LRMDA: variants seen among roughly 807,000 people sequenced by gnomAD.
The protein encoded by LRMDA is leucine-rich melanocyte differentiation-associated protein.
A neutral mutation model predicts 29.8 loss-of-function variants in LRMDA; 18 were observed. The observed-to-expected ratio is 0.60, with a 90% CI of 0.42 to 0.90. The LOEUF is 0.90. LRMDA is among the 40% of genes least tolerant of loss of function. LRMDA has a pLI of 0.00. For synonymous variants in LRMDA, 125 were observed against 109.4 expected, an observed-to-expected ratio of 1.14 and a Z score of -0.89; for missense variants, 273 against 273.9, an observed-to-expected ratio of 1.00 and a Z score of 0.02.
At chr10:75,491,022 G>A (rs545098305) in intron 2 of LRMDA, among the ~76,000 whole-genome samples, 30 of 152,268 alleles carry the variant, frequency 2.0e-4, no homozygotes, top group African/African-American at 5.5e-4. Flanking sequence ...GAATTAAATT[G>A]ACCACCACTC....
chr10:75,583,849 C>T (rs1365183171), intron 2 of LRMDA, among the ~76,000 whole-genome samples: 2 of 152,154 alleles, frequency 1.3e-5, no homozygotes, highest in Admixed American at 6.5e-5. Flanking sequence ...CATCCCCACT[C>T]GAGGTGTTCT....
At chr10:75,584,390 C>G (rs1840632443) in intron 2 of LRMDA, among the ~76,000 whole-genome samples, 1 of 152,190 alleles carries the variant, frequency 6.6e-6, no homozygotes, top group East Asian at 1.9e-4. Flanking sequence ...GTCTATCATT[C>G]TAAGCCTTTT....
At chr10:75,461,855 C>T (rs370299797) in intron 2 of LRMDA, among the ~76,000 whole-genome samples, 66 of 152,270 alleles carry the variant, frequency 4.3e-4, no homozygotes, top group African/African-American at 1.6e-3. Context: ...AGGTCTTTGT[C>T]GAAGGGGGCA....
intron 2 of LRMDA, among the ~76,000 whole-genome samples, chr10:75,583,255 T>G (rs572011263): frequency 6.6e-6 from 1 of 152,318 alleles, no homozygotes; most frequent in South Asian, 2.1e-4. Flanking sequence ...ATTTTCATGC[T>G]GCTATAAAGA....
chr10:75,951,345 G>C (rs1271871519), intron 2 of LRMDA, among the ~76,000 whole-genome samples: 1 of 152,218 alleles, frequency 6.6e-6, no homozygotes, highest in African/African-American at 2.4e-5. Flanking sequence ...GGAATGCTGA[G>C]CCACTGCAGT....
chr10:76,033,030 A>G (rs779902295), intron 2 of LRMDA, among the ~76,000 whole-genome samples: 6 of 152,092 alleles, frequency 3.9e-5, no homozygotes, highest in Non-Finnish European at 7.4e-5. Context: ...TTTTTCTCCT[A>G]TTCCTCCCTA....
intron 5 of LRMDA, among the ~76,000 whole-genome samples, chr10:76,137,122 C>T (rs372130498): frequency 6.9e-4 from 105 of 152,288 alleles, no homozygotes; most frequent in African/African-American, 2.4e-3. Context: ...TTGATACTAC[C>T]GACCCTTCCT....
chr10:75,996,860 G>A (rs1445188311), intron 2 of LRMDA, among the ~76,000 whole-genome samples: 2 of 151,718 alleles, frequency 1.3e-5, no homozygotes, highest in Non-Finnish European at 2.9e-5. Flanking sequence ...AGCCTCCCGA[G>A]TAGCTGAGAC....
At chr10:76,130,564 T>A (rs562348469) in intron 5 of LRMDA, among the ~76,000 whole-genome samples, 1 of 152,336 alleles carries the variant, frequency 6.6e-6, no homozygotes, top group South Asian at 2.1e-4. Context: ...TTGGCTTGTG[T>A]GAGAAGGGAA....
chr10:75,894,957 T>A (rs1845558457), intron 2 of LRMDA, among the ~76,000 whole-genome samples: 1 of 152,208 alleles, frequency 6.6e-6, no homozygotes, highest in South Asian at 2.1e-4. Flanking sequence ...GATGAGAAAC[T>A]GGTTAAGTAA....
intron 1 of LRMDA, among the ~76,000 whole-genome samples, chr10:75,433,346 C>T (rs1032548357): frequency 6.6e-6 from 1 of 152,158 alleles, no homozygotes; most frequent in Non-Finnish European, 1.5e-5. Flanking sequence ...TGTTCTTAGC[C>T]TACTCCAAAC....
chr10:75,964,031 T>C (rs1427928204), intron 2 of LRMDA, among the ~76,000 whole-genome samples: 2 of 152,232 alleles, frequency 1.3e-5, no homozygotes, highest in African/African-American at 2.4e-5. Context: ...GTGATTTTTA[T>C]GATCCTGCAG....
intron 2 of LRMDA, among the ~76,000 whole-genome samples, chr10:75,727,647 G>T (rs1295668391): frequency 2.6e-5 from 4 of 152,266 alleles, no homozygotes; most frequent in East Asian, 1.9e-4. Flanking sequence ...CTTCAGATAT[G>T]ATTTTAGCAA....
chr10:75,967,727 C>G (rs558698099), intron 2 of LRMDA, among the ~76,000 whole-genome samples: 11 of 151,066 alleles, frequency 7.3e-5, no homozygotes, highest in Admixed American at 6.6e-4. Flanking sequence ...GGCACAGAAC[C>G]GGCAAGGTCA....
intron 6 of LRMDA, among the ~76,000 whole-genome samples, chr10:76,525,036 C>T (rs532252421): frequency 6.6e-6 from 1 of 152,254 alleles, no homozygotes; most frequent in South Asian, 2.1e-4. Context: ...TCTTCAGTGT[C>T]TGAGGGCACA....
intron 6 of LRMDA, among the ~76,000 whole-genome samples, chr10:76,517,401 C>A (rs1338508013): frequency 2.6e-5 from 4 of 152,208 alleles, no homozygotes; most frequent in African/African-American, 9.6e-5. Flanking sequence ...AGGCAGATTT[C>A]TTGGCATCAA....
chr10:75,918,806 C>T (rs991285538), intron 2 of LRMDA, among the ~76,000 whole-genome samples: 3 of 152,128 alleles, frequency 2.0e-5, no homozygotes, highest in Non-Finnish European at 4.4e-5. Flanking sequence ...TCATGGGAAC[C>T]TGCCCCATTC....
chr10:75,968,103 G>A (rs969748041), intron 2 of LRMDA, among the ~76,000 whole-genome samples: 2 of 152,046 alleles, frequency 1.3e-5, no homozygotes, highest in South Asian at 2.1e-4. Flanking sequence ...TGGCTCTGCA[G>A]TGGGAGTGCT....
At chr10:75,948,022 TG>T (rs1451065059) in intron 2 of LRMDA, among the ~76,000 whole-genome samples, 1 of 152,220 alleles carries the variant, frequency 6.6e-6, no homozygotes, top group African/African-American at 2.4e-5. Context: ...GGGCCTTGAA[TG>T]AAATAAATTG....
Sources: allele counts gnomAD v4.1 joint callset (sites outside exome capture counted in the v4.1 genomes callset), GRCh38; gene constraint gnomAD v4.1.1; transcripts MANE v1.5; gene names NCBI Gene and HGNC (gene_info 2026-07-23, HGNC 2026-07-21).